The following RMST variants were observed in gnomAD, a reference collection of about 807,000 sequenced individuals.
The protein encoded by RMST is long intergenic non-protein coding RNA 54.
intron 10 of RMST, among the ~76,000 whole-genome samples, chr12:97,523,956 G>C (rs1474175372): frequency 6.6e-6 from 1 of 151,336 alleles, no homozygotes; most frequent in African/African-American, 2.4e-5. Context: ...CGTGCCTGTA[G>C]TCCCAGCTAC....
chr12:97,517,024 A>G (rs1445523812), intron 10 of RMST, among the ~76,000 whole-genome samples: 3 of 152,108 alleles, frequency 2.0e-5, no homozygotes, highest in East Asian at 3.9e-4. Flanking sequence ...AATTTAGCCT[A>G]TAAGTTCTAG....
intron 10 of RMST, among the ~76,000 whole-genome samples, chr12:97,524,307 G>A (rs1228787430): frequency 1.3e-5 from 2 of 151,976 alleles, no homozygotes; most frequent in Non-Finnish European, 2.9e-5. Context: ...AGATCTCCAG[G>A]TGATATACAG....
intron 10 of RMST, among the ~76,000 whole-genome samples, chr12:97,503,168 T>C (rs1180294878): frequency 6.6e-6 from 1 of 152,212 alleles, no homozygotes; most frequent in African/African-American, 2.4e-5. Context: ...CATCTGTTGA[T>C]TATTTTAATT....
chr12:97,462,905 G>A (rs1045746327), intron 3 of RMST: 1 of 152,204 alleles, frequency 6.6e-6, no homozygotes, highest in African/African-American at 2.4e-5. Flanking sequence ...CCACTTTTCA[G>A]TGGAGGAGAA....
chr12:97,543,439 C>T (rs1565936548), intron 11 of RMST, among the ~76,000 whole-genome samples: 1 of 151,910 alleles, frequency 6.6e-6, no homozygotes, highest in East Asian at 1.9e-4. Flanking sequence ...GATTTTTCTG[C>T]CCTGTTTAAT....
intron 10 of RMST, among the ~76,000 whole-genome samples, chr12:97,517,993 T>C (rs931439663): frequency 3.3e-5 from 5 of 152,160 alleles, no homozygotes; most frequent in Non-Finnish European, 7.4e-5. Flanking sequence ...CTCTTAATTT[T>C]TGACAAATAT....
At chr12:97,471,686 A>G (rs1296246729) in intron 5 of RMST, among the ~76,000 whole-genome samples, 2 of 152,134 alleles carry the variant, frequency 1.3e-5, no homozygotes, top group Admixed American at 6.6e-5. Context: ...TACAGTGTGT[A>G]ACTGTTGGCA....
intron 5 of RMST, among the ~76,000 whole-genome samples, chr12:97,481,611 G>A (rs947078068): frequency 1.3e-5 from 2 of 152,100 alleles, no homozygotes; most frequent in African/African-American, 2.4e-5. Context: ...AGGAAGAAGA[G>A]TGAGGTTTAT....
At chr12:97,510,860 T>A (rs982976238) in intron 10 of RMST, among the ~76,000 whole-genome samples, 1 of 149,878 alleles carries the variant, frequency 6.7e-6, no homozygotes, top group Admixed American at 6.7e-5. Context: ...TCCAGTCACT[T>A]TTTTTTTTTA....
intron 11 of RMST, among the ~76,000 whole-genome samples, chr12:97,560,130 G>GA (rs913003196): frequency 4.0e-5 from 6 of 151,282 alleles, no homozygotes; most frequent in Non-Finnish European, 5.9e-5. Flanking sequence ...TAATTTTCCA[G>GA]AAAAAAAAGT....
chr12:97,536,884 G>C (rs1425602376), intron 11 of RMST, among the ~76,000 whole-genome samples: 1 of 151,406 alleles, frequency 6.6e-6, no homozygotes, highest in African/African-American at 2.4e-5. Context: ...TTGGTCACTA[G>C]TTAGCCACTT....
exon 14 of RMST, chr12:97,564,503 G>A (rs888177088): frequency 6.6e-6 from 1 of 152,486 alleles, no homozygotes; most frequent in Non-Finnish European, 1.5e-5. Flanking sequence ...GTGACCTGGG[G>A]CAAATGATAT....
intron 10 of RMST, among the ~76,000 whole-genome samples, chr12:97,504,312 G>T (rs1878424777): frequency 2.0e-5 from 3 of 150,964 alleles, no homozygotes; most frequent in Admixed American, 2.0e-4. Flanking sequence ...GCTGAGGCAG[G>T]AAAATCGCTT....
At chr12:97,493,147 T>G (rs1321071411) in intron 6 of RMST, 1 of 152,638 alleles carries the variant, frequency 6.6e-6, no homozygotes, top group Admixed American at 6.5e-5. Flanking sequence ...ATTCAGAAAC[T>G]ACACGATTTT....
chr12:97,475,757 A>G (rs895400164), intron 5 of RMST, among the ~76,000 whole-genome samples: 1 of 152,094 alleles, frequency 6.6e-6, no homozygotes, highest in Non-Finnish European at 1.5e-5. Context: ...CCTCTTGTTG[A>G]TTATCTTATT....
At chr12:97,482,020 T>C (rs1033730556) in intron 5 of RMST, among the ~76,000 whole-genome samples, 2 of 152,216 alleles carry the variant, frequency 1.3e-5, no homozygotes, top group African/African-American at 2.4e-5. Flanking sequence ...AACCTATGTT[T>C]TACAACACTG....
chr12:97,546,821 T>C (rs1303920847), intron 11 of RMST, among the ~76,000 whole-genome samples: 1 of 152,104 alleles, frequency 6.6e-6, no homozygotes, highest in African/African-American at 2.4e-5. Context: ...ATGAGAACAC[T>C]TAAAATCTAC....
chr12:97,488,307 G>A (rs1876356085), intron 5 of RMST, among the ~76,000 whole-genome samples: 1 of 152,318 alleles, frequency 6.6e-6, no homozygotes, highest in Non-Finnish European at 1.5e-5. Flanking sequence ...GAACCTGGGA[G>A]GTGGAGGTTG....
At chr12:97,463,597 G>A (rs1872836505) in intron 4 of RMST, among the ~76,000 whole-genome samples, 1 of 152,162 alleles carries the variant, frequency 6.6e-6, no homozygotes, top group Non-Finnish European at 1.5e-5. Flanking sequence ...CAACGTAGAA[G>A]AGCATATGGC....
Sources: gnomAD v4.1 joint callset for allele counts (sites outside exome capture counted in the v4.1 genomes callset) on GRCh38, gnomAD v4.1.1 for gene constraint, MANE v1.5 for transcripts, NCBI Gene and HGNC (gene_info 2026-07-23, HGNC 2026-07-21) for gene names.